B3GALT1: variants seen among roughly 807,000 people sequenced by gnomAD.
B3GALT1 encodes beta-1,3-galactosyltransferase 1.
In B3GALT1, 10 loss-of-function variants were observed where a neutral mutation model predicts 23.2. The ratio of observed to expected loss-of-function variants is 0.43; its 90% CI spans 0.27 to 0.73. The LOEUF (loss-of-function observed/expected upper bound fraction) is 0.73, where lower values mean the gene tolerates loss of function less well. Ranked by LOEUF, B3GALT1 falls within the 30% of genes least tolerant of loss-of-function variation. The pLI, the probability that B3GALT1 is intolerant of heterozygous loss-of-function variation, is 0.21. For synonymous variants in B3GALT1, 156 were observed against 141.5 expected (o/e 1.10, Z -0.73); for missense variants, 299 against 405.4 (o/e 0.74, Z 2.25).
intron 3 of B3GALT1, among the ~76,000 whole-genome samples, chr2:167,704,928 T>G (rs111576765): frequency 2.5e-4 from 38 of 151,796 alleles, no homozygotes; most frequent in African/African-American, 9.2e-4. Flanking sequence ...TATGATAAAA[T>G]AAAGAGGGAG....
intron 2 of B3GALT1, among the ~76,000 whole-genome samples, chr2:167,493,770 T>C (rs1490096545): frequency 6.6e-6 from 1 of 152,190 alleles, no homozygotes; most frequent in Non-Finnish European, 1.5e-5. Context: ...GTATATGGAA[T>C]GCTGGATTTT....
At chr2:167,819,024 C>T (rs1428127167) in intron 4 of B3GALT1, among the ~76,000 whole-genome samples, 2 of 151,932 alleles carry the variant, frequency 1.3e-5, no homozygotes, top group Middle Eastern at 3.2e-3. Flanking sequence ...ATTTTAAGTT[C>T]CAGGATACAT....
At chr2:167,443,493 G>C (rs971594198) in intron 1 of B3GALT1, among the ~76,000 whole-genome samples, 28 of 152,136 alleles carry the variant, frequency 1.8e-4, no homozygotes, top group African/African-American at 4.6e-4. Flanking sequence ...GATATTGATT[G>C]TTCCTATCCA....
intron 2 of B3GALT1, among the ~76,000 whole-genome samples, chr2:167,599,740 A>G (rs1684840005): frequency 2.0e-5 from 3 of 152,210 alleles, no homozygotes; most frequent in South Asian, 4.1e-4. Context: ...CTTTATCACA[A>G]CATATACTGT....
intron 2 of B3GALT1, among the ~76,000 whole-genome samples, chr2:167,548,996 A>G (rs1683700056): frequency 6.6e-6 from 1 of 152,174 alleles, no homozygotes; most frequent in Admixed American, 6.5e-5. Flanking sequence ...ATGATTTTAT[A>G]TTAATGTTTA....
intron 1 of B3GALT1, among the ~76,000 whole-genome samples, chr2:167,342,975 AG>A (rs1225739186): frequency 6.6e-6 from 1 of 152,182 alleles, no homozygotes; most frequent in African/African-American, 2.4e-5. Context: ...TATCACCTCA[AG>A]GGGGCATTCA....
rs1690317719 is a variant in B3GALT1 at position 167,870,324 on chromosome 2, G to A, written c.*304G>A. On this transcript the variant is annotated 3_prime_UTR_variant, in exon 5 of 5. Transcript: ENST00000392690. ...ACCGTGCATCTGAGATAAAAATTTG[G>A]TTCTGGGAAACTGAAACTCACAGTA... 2 of 243,470 alleles carry A rather than the reference G, an allele frequency of 8.2e-6. No homozygotes were observed. Among genetic ancestry groups the A allele is most frequent in the South Asian group, 1.4e-4 (1 of 6,948 alleles). The allele number at this position is 243,470 out of a possible 1,614,324, so 15.1% of individuals were successfully genotyped here.
At chr2:167,366,903 C>T (rs1697595138) in intron 1 of B3GALT1, among the ~76,000 whole-genome samples, 1 of 152,194 alleles carries the variant, frequency 6.6e-6, no homozygotes, top group South Asian at 2.1e-4. Context: ...AACTGGCTTC[C>T]TCTAGAGCAC....
intron 2 of B3GALT1, among the ~76,000 whole-genome samples, chr2:167,497,853 T>G (rs556817963): frequency 6.6e-6 from 1 of 151,946 alleles, no homozygotes; most frequent in South Asian, 2.1e-4. Flanking sequence ...CAACATCTCA[T>G]GTTTTCTATA....
chr2:167,477,768 C>T (rs1014014356), intron 1 of B3GALT1, among the ~76,000 whole-genome samples: 1 of 152,140 alleles, frequency 6.6e-6, no homozygotes, highest in African/African-American at 2.4e-5. Context: ...GGAAACTGTT[C>T]AACATTTTAA....
intron 3 of B3GALT1, among the ~76,000 whole-genome samples, chr2:167,764,290 G>A (rs1240122876): frequency 6.6e-6 from 1 of 152,058 alleles, no homozygotes; most frequent in African/African-American, 2.4e-5. Flanking sequence ...ATCCTAAATG[G>A]TTTACAGTCC....
intron 2 of B3GALT1, among the ~76,000 whole-genome samples, chr2:167,564,348 G>A (rs914801719): frequency 3.7e-4 from 55 of 149,792 alleles, no homozygotes; most frequent in Admixed American, 6.6e-4. Flanking sequence ...ATGGGACGGC[G>A]GCCGGGCAGA....
intron 2 of B3GALT1, among the ~76,000 whole-genome samples, chr2:167,632,428 C>T (rs915304823): frequency 6.6e-6 from 1 of 151,804 alleles, no homozygotes; most frequent in Non-Finnish European, 1.5e-5. Flanking sequence ...AAAAGTGTTC[C>T]TATTTCTCAA....
chr2:167,574,014 A>T (rs1639200481), intron 2 of B3GALT1, among the ~76,000 whole-genome samples: 1 of 151,726 alleles, frequency 6.6e-6, no homozygotes, highest in African/African-American at 2.4e-5. Flanking sequence ...AATTAAGAAG[A>T]TTAAAATTTA....
At chr2:167,411,378 C>A (rs1429959343) in intron 1 of B3GALT1, among the ~76,000 whole-genome samples, 7 of 136,542 alleles carry the variant, frequency 5.1e-5, no homozygotes, top group African/African-American at 1.7e-4. Context: ...AACAAAAAAC[C>A]AAAAAAAAAA....
chr2:167,836,453 GA>G (rs1689474394), intron 4 of B3GALT1, among the ~76,000 whole-genome samples: 1 of 152,154 alleles, frequency 6.6e-6, no homozygotes, highest in Admixed American at 6.5e-5. Flanking sequence ...TGAATGAAAT[GA>G]AGCAAGAAGG....
chr2:167,820,601 G>A (rs577484082), intron 4 of B3GALT1, among the ~76,000 whole-genome samples: 72 of 152,038 alleles, frequency 4.7e-4, no homozygotes, highest in Non-Finnish European at 8.5e-4. Context: ...GCCCCTCTCC[G>A]TCCCCCCAAC....
At chr2:167,520,165 C>T (rs1161035770) in intron 2 of B3GALT1, among the ~76,000 whole-genome samples, 1 of 152,040 alleles carries the variant, frequency 6.6e-6, no homozygotes, top group Non-Finnish European at 1.5e-5. Context: ...CTTTATTTCT[C>T]AACATAAACC....
At chr2:167,806,576 T>C (rs4667982) in intron 3 of B3GALT1, among the ~76,000 whole-genome samples, 68,276 of 151,974 alleles carry the variant, frequency 0.45, 17,716 homozygotes, top group African/African-American at 0.7. Context: ...TTGAGATAAT[T>C]GTAGTTTTTG....
Sources: allele counts gnomAD v4.1 joint callset (sites outside exome capture counted in the v4.1 genomes callset), GRCh38; gene constraint gnomAD v4.1.1; transcripts MANE v1.5; gene names NCBI Gene and HGNC (gene_info 2026-07-23, HGNC 2026-07-21).